The following NOS1AP variants were observed in gnomAD, a reference collection of about 807,000 sequenced individuals.
The protein encoded by NOS1AP is carboxyl-terminal PDZ ligand of neuronal nitric oxide synthase protein.
A neutral mutation model predicts 56.2 loss-of-function variants in NOS1AP; 21 were observed. The ratio of observed to expected loss-of-function variants is 0.37; its 90% CI spans 0.26 to 0.54. NOS1AP has a LOEUF of 0.54. NOS1AP is among the 20% of genes least tolerant of loss of function. NOS1AP has a pLI of 0.84. For synonymous variants in NOS1AP, 270 were observed against 274.6 expected (o/e 0.98, Z 0.17); for missense variants, 522 against 657.8 (o/e 0.79, Z 2.26).
At chr1:162,123,851 C>T (rs560771016) in intron 1 of NOS1AP, among the ~76,000 whole-genome samples, 38 of 152,168 alleles carry the variant, frequency 2.5e-4, no homozygotes, top group African/African-American at 9.1e-4. Flanking sequence ...GATGTTCCTT[C>T]TTCTATAAGT....
chr1:162,297,477 C>T (rs376257616), intron 3 of NOS1AP, among the ~76,000 whole-genome samples: 86 of 152,304 alleles, frequency 5.6e-4, no homozygotes, highest in African/African-American at 2.0e-3. Context: ...GTCAGGGGAC[C>T]TCCCTGTGCC....
chr1:162,130,857 C>G (rs561197242), intron 1 of NOS1AP, among the ~76,000 whole-genome samples: 1 of 152,304 alleles, frequency 6.6e-6, no homozygotes, highest in East Asian at 1.9e-4. Flanking sequence ...TCAGTCCTTA[C>G]TCTAGACCTA....
At chr1:162,128,160 A>G (rs1036264208) in intron 1 of NOS1AP, among the ~76,000 whole-genome samples, 1 of 152,042 alleles carries the variant, frequency 6.6e-6, no homozygotes, top group South Asian at 2.1e-4. Context: ...TGTAATTCAT[A>G]TCTTTCATTC....
At chr1:162,086,034 G>A (rs553233477) in intron 1 of NOS1AP, among the ~76,000 whole-genome samples, 3 of 152,210 alleles carry the variant, frequency 2.0e-5, no homozygotes, top group African/African-American at 4.8e-5. Flanking sequence ...CTGAAATGAG[G>A]TCTTGCTTTT....
At chr1:162,365,012 C>T (rs939274385) in intron 8 of NOS1AP, 5 of 1,073,486 alleles carry the variant, frequency 4.7e-6, no homozygotes, top group East Asian at 1.4e-4. Flanking sequence ...CATGGCATGC[C>T]ATGCTAGGTG....
intron 1 of NOS1AP, among the ~76,000 whole-genome samples, chr1:162,076,658 G>T (rs12093424): frequency 0.033 from 5,095 of 152,232 alleles, 289 homozygotes; most frequent in African/African-American, 0.12. Flanking sequence ...TTGAGGTCAG[G>T]AGTTCAAGAC....
chr1:162,180,679 G>A (rs1426475664), intron 2 of NOS1AP, among the ~76,000 whole-genome samples: 1 of 152,192 alleles, frequency 6.6e-6, no homozygotes, highest in African/African-American at 2.4e-5. Flanking sequence ...CAGCAAGAAA[G>A]TGGAGCCTCA....
At chr1:162,191,036 T>C (rs1409824560) in intron 2 of NOS1AP, among the ~76,000 whole-genome samples, 3 of 152,200 alleles carry the variant, frequency 2.0e-5, no homozygotes, top group Non-Finnish European at 4.4e-5. Context: ...TCTAGAGTCC[T>C]GAATGGGCAG....
intron 1 of NOS1AP, among the ~76,000 whole-genome samples, chr1:162,124,604 C>G (rs1448488564): frequency 6.6e-6 from 1 of 151,874 alleles, no homozygotes; most frequent in Non-Finnish European, 1.5e-5. Context: ...CTCACTGCAA[C>G]CTCTGCCTCC....
chr1:162,155,288 A>ATATG (rs1557808084), intron 2 of NOS1AP, among the ~76,000 whole-genome samples: 4 of 141,866 alleles, frequency 2.8e-5, no homozygotes, highest in Admixed American at 7.1e-5. Flanking sequence ...ACACATATAT[A>ATATG]CATATATATG....
chr1:162,290,899 A>G (rs999053244), intron 3 of NOS1AP, among the ~76,000 whole-genome samples: 3 of 152,068 alleles, frequency 2.0e-5, no homozygotes, highest in Non-Finnish European at 4.4e-5. Context: ...GAGTTCAATT[A>G]GGTGATCACT....
intron 2 of NOS1AP, among the ~76,000 whole-genome samples, chr1:162,171,391 G>T (rs1015900253): frequency 1.4e-4 from 21 of 152,184 alleles, no homozygotes; most frequent in African/African-American, 4.8e-4. Flanking sequence ...AAAGGGTTAT[G>T]TAACCCTGGT....
intron 2 of NOS1AP, among the ~76,000 whole-genome samples, chr1:162,264,462 TCTCCTCCCCTCCCCTCCCCTCCCCTCTC>T (rs1654343978): frequency 1.3e-4 from 3 of 23,752 alleles, no homozygotes; most frequent in Non-Finnish European, 2.7e-4. Flanking sequence ...TCTCTTCTCT[TCTCCTCCCCTCCCCTCCCCTCCCCTCTC>T]CTCCTCTCCT....
In NOS1AP at chr1:162,369,419, A is replaced by G. The variant is rs1362050025; in HGVS notation, c.*1952A>G. The G allele has an allele frequency of 6.6e-6, 1 of 151,866 alleles. No individual in the cohort carries two copies. Among genetic ancestry groups the G allele is most frequent in the Admixed American group, 6.6e-5 (1 of 15,230 alleles). The allele number at this position is 151,866 out of a possible 1,614,324, so 9.4% of individuals were successfully genotyped here. A position where few individuals can be genotyped will look rare whatever the true frequency, so the allele number is the denominator to read the frequency against. On this transcript the variant is annotated 3_prime_UTR_variant, in exon 10 of 10. Transcript: ENST00000361897. Reference sequence around the variant, plus strand: ...CCCAGGGTTCCCTGAGTCCAAGACCACTTAGATTATTAAGATTTTGAACGT... The same window carrying G: ...CCCAGGGTTCCCTGAGTCCAAGACCGCTTAGATTATTAAGATTTTGAACGT...
At chr1:162,224,168 A>C (rs905645486) in intron 2 of NOS1AP, among the ~76,000 whole-genome samples, 1 of 145,970 alleles carries the variant, frequency 6.9e-6, no homozygotes, top group East Asian at 2.0e-4. Context: ...TTGGGGACAG[A>C]AAAAAAAAAA....
Position 162,070,131 on chromosome 1 carries a change from T to C in NOS1AP, c.-47T>C, listed in dbSNP as rs1020129334. 2.0e-6 allele frequency: 3 copies of C among 1,517,884 alleles called. No individual in the cohort carries two copies. The African/African-American group carries it at 4.1e-5, about 21-fold the overall frequency. 94.0% of individuals were successfully genotyped at this position (1,517,884 alleles called of 1,614,324 possible). On this transcript the variant is annotated 5_prime_UTR_variant, in exon 1 of 10. Coordinates refer to ENST00000361897, the MANE Select transcript of NOS1AP (RefSeq NM_014697.3). ...CCCTCCCCGGGGTCTCGCCAGCCCC[T>C]TCCTGCAGCCGCCGCCTCCGAAGGA...
At chr1:162,160,175 C>G (rs1650142505) in intron 2 of NOS1AP, among the ~76,000 whole-genome samples, 1 of 152,096 alleles carries the variant, frequency 6.6e-6, no homozygotes, top group South Asian at 2.1e-4. Context: ...AAAACTTGGC[C>G]CCACTGCAAA....
At chr1:162,220,005 A>G (rs1448935485) in intron 2 of NOS1AP, among the ~76,000 whole-genome samples, 1 of 152,184 alleles carries the variant, frequency 6.6e-6, no homozygotes, top group Non-Finnish European at 1.5e-5. Flanking sequence ...ATCATACCTC[A>G]CTGCAACCTC....
intron 1 of NOS1AP, among the ~76,000 whole-genome samples, chr1:162,125,130 C>CTT (rs56264198): frequency 3.8e-4 from 47 of 124,122 alleles, no homozygotes; most frequent in African/African-American, 4.5e-4. Flanking sequence ...GTTTCTGACT[C>CTT]TTTTTTTTTT....
Sources: allele counts gnomAD v4.1 joint callset (sites outside exome capture counted in the v4.1 genomes callset), GRCh38; gene constraint gnomAD v4.1.1; transcripts MANE v1.5; gene names NCBI Gene and HGNC (gene_info 2026-07-23, HGNC 2026-07-21).